CBR4: variants seen among roughly 807,000 people sequenced by gnomAD.
The protein encoded by CBR4 is carbonyl reductase 4.
CBR4 carries 22 observed loss-of-function variants against 21.0 expected under a neutral mutation model. The observed-to-expected ratio is 1.05, with a 90% confidence interval of 0.75 to 1.50. CBR4 has a LOEUF of 1.50. Ranked by LOEUF, CBR4 falls within the 40% of genes most tolerant of loss-of-function variation. The pLI, the probability that CBR4 is intolerant of heterozygous loss-of-function variation, is 0.00. For missense variants in CBR4, 302 were observed against 286.3 expected (o/e 1.05, Z -0.40); for synonymous variants, 100 against 104.4 (o/e 0.96, Z 0.26).
At chr4:168,975,093 G>C (rs1465283280) in intron 2 of CBR4, among the ~76,000 whole-genome samples, 3 of 152,184 alleles carry the variant, frequency 2.0e-5, no homozygotes, top group Non-Finnish European at 4.4e-5. Context: ...GTCCCATGGG[G>C]TGATCCCTTG....
intron 2 of CBR4, chr4:168,928,421 T>C (rs1198651200): frequency 5.6e-6 from 1 of 179,772 alleles, no homozygotes; most frequent in Non-Finnish European, 1.2e-5. Context: ...CAAATAATAG[T>C]TGCAGTTTTG....
At chr4:168,956,725 G>T (rs1162295618) in intron 2 of CBR4, among the ~76,000 whole-genome samples, 1 of 151,820 alleles carries the variant, frequency 6.6e-6, no homozygotes, top group East Asian at 1.9e-4. Flanking sequence ...AGTGTAGGAA[G>T]GGTTATTCTC....
chr4:168,896,542 A>G, intron 2 of CBR4: 1 of 1,462,598 alleles, frequency 6.8e-7, no homozygotes, highest in East Asian at 2.5e-5. Flanking sequence ...TTTTTCTACC[A>G]TTACAGGACA....
At position 168,924,412 on chromosome 4, in the gene CBR4, C is replaced by T. The variant is rs1214801400; in HGVS notation, n.170-29647G>A. ...ATGAATCACTCACTCACAGCACTGACCGAGTGAGGTAAGACTGCACAATGA... is the reference window on the plus strand; with the variant it reads ...ATGAATCACTCACTCACAGCACTGATCGAGTGAGGTAAGACTGCACAATGA... On this transcript the variant is annotated intron_variant and non_coding_transcript_variant, in intron 2 of 3. Coordinates refer to the CBR4 transcript ENST00000509108. 5 of 1,613,296 alleles carry T rather than the reference C, an allele frequency of 3.1e-6. No individual in the cohort carries two copies. The highest frequency in any genetic ancestry group is 1.7e-5 in the Admixed American group (1 of 60,000).
intron 4 of CBR4, 139 bp downstream of exon 4, chr4:169,001,932 C>T: frequency 1.1e-6 from 1 of 869,918 alleles, no homozygotes; most frequent in Non-Finnish European, 1.6e-6. Flanking sequence ...TTTTTGAGTC[C>T]CCCAGTTCAT....
chr4:168,970,345 GAT>G (rs1242197267), intron 2 of CBR4, among the ~76,000 whole-genome samples: 1 of 151,964 alleles, frequency 6.6e-6, no homozygotes, highest in African/African-American at 2.4e-5. Context: ...ATTTTATTTT[GAT>G]ATTTAAGTAC....
chr4:168,924,511 G>A, intron 2 of CBR4: 8 of 1,231,706 alleles, frequency 6.5e-6, no homozygotes, highest in Non-Finnish European at 9.6e-6. Flanking sequence ...AAATCTATGT[G>A]TAAAAGCCAC....
chr4:168,994,712 G>T (rs1162990761), intron 4 of CBR4, among the ~76,000 whole-genome samples: 3 of 149,210 alleles, frequency 2.0e-5, no homozygotes, highest in African/African-American at 4.9e-5. Flanking sequence ...CCCAGCAGCT[G>T]GGACAACAGG....
At chr4:168,998,810 A>G (rs548663461) in intron 4 of CBR4, among the ~76,000 whole-genome samples, 1 of 152,292 alleles carries the variant, frequency 6.6e-6, no homozygotes, top group South Asian at 2.1e-4. Context: ...TGTGAATTGC[A>G]TGATACAATT....
At chr4:168,970,529 T>A (rs1418247835) in intron 2 of CBR4, among the ~76,000 whole-genome samples, 1 of 152,172 alleles carries the variant, frequency 6.6e-6, no homozygotes, top group African/African-American at 2.4e-5. Context: ...CAGGTGGTAT[T>A]TGGTTACATG....
chr4:168,914,481 T>G (rs959468158), intron 2 of CBR4, among the ~76,000 whole-genome samples: 2 of 152,192 alleles, frequency 1.3e-5, no homozygotes, highest in Admixed American at 1.3e-4. Flanking sequence ...ATAAGACCAT[T>G]AGACTACAAA....
At position 169,010,182 on chromosome 4, in the gene CBR4, A is replaced by G. The variant is rs1185162289; in HGVS notation, c.-93T>C. On this transcript the variant is annotated 5_prime_UTR_variant, in exon 1 of 5. Transcript: ENST00000306193. ...TTTAAACAACCGCGGTTCCAAAAAA[A>G]AAAAAAAGAAAAAAAAAGGCAAACC... is the stretch of plus-strand genomic sequence containing the variant. 11 of 1,148,458 alleles carry G rather than the reference A, an allele frequency of 9.6e-6. No homozygotes were observed. Among genetic ancestry groups the G allele is most frequent in the East Asian group, 5.7e-5 (2 of 35,190 alleles). 71.1% of individuals were successfully genotyped at this position (1,148,458 alleles called of 1,614,324 possible). A position where few individuals can be genotyped will look rare whatever the true frequency, so the allele number is the denominator to read the frequency against.
At chr4:168,967,439 G>C (rs1560968701) in intron 2 of CBR4, among the ~76,000 whole-genome samples, 1 of 152,148 alleles carries the variant, frequency 6.6e-6, no homozygotes, top group East Asian at 1.9e-4. Context: ...AAACCAACAT[G>C]GCACATGTAT....
At chr4:168,912,674 G>A (rs1484502442) in intron 2 of CBR4, among the ~76,000 whole-genome samples, 1 of 152,094 alleles carries the variant, frequency 6.6e-6, no homozygotes, top group Non-Finnish European at 1.5e-5. Context: ...AACGTATAAT[G>A]TTCAAATCAT....
rs111935901 is a variant in CBR4 at position 168,929,573 on chromosome 4, G to A, written n.170-34808C>T. Among the ~76,000 whole-genome samples the A allele has an allele frequency of 9.7e-4, 148 of 152,222 alleles. 1 individual carries two copies. Among genetic ancestry groups the A allele is most frequent in the African/African-American group, 3.3e-3 (139 of 41,540 alleles). ...TAGCTACAACCTCCTTTATCATCAT[G>A]TAAATTTAGTTTGACCCCTTTAAAT... On this transcript the variant is annotated intron_variant and non_coding_transcript_variant, in intron 2 of 3. Transcript: ENST00000509108.
intron 2 of CBR4, chr4:168,925,403 A>G (rs1762384233): frequency 1.3e-6 from 1 of 768,852 alleles, no homozygotes; most frequent in Non-Finnish European, 2.3e-6. Flanking sequence ...AGGCATAACC[A>G]TGTTTTTCAC....
At chr4:168,908,646 G>C (rs1438194988) in intron 2 of CBR4, among the ~76,000 whole-genome samples, 1 of 151,770 alleles carries the variant, frequency 6.6e-6, no homozygotes, top group Non-Finnish European at 1.5e-5. Context: ...TTTGAGTTTA[G>C]AAAAAAAAGT....
At chr4:168,958,856 C>A (rs1401611816) in intron 2 of CBR4, among the ~76,000 whole-genome samples, 1 of 152,096 alleles carries the variant, frequency 6.6e-6, no homozygotes, top group East Asian at 1.9e-4. Context: ...TGTGAAAGGT[C>A]TATTCAAATC....
At chr4:168,908,463 A>G (rs1430572851) in intron 2 of CBR4, among the ~76,000 whole-genome samples, 1 of 152,180 alleles carries the variant, frequency 6.6e-6, no homozygotes, top group East Asian at 1.9e-4. Context: ...GAATTAAGAC[A>G]TGAGTTTAAA....
Sources: allele counts gnomAD v4.1 joint callset (sites outside exome capture counted in the v4.1 genomes callset), GRCh38; gene constraint gnomAD v4.1.1; transcripts MANE v1.5; gene names NCBI Gene and HGNC (gene_info 2026-07-23, HGNC 2026-07-21).